XRCC2: variants seen among roughly 807,000 people sequenced by gnomAD.
The protein encoded by XRCC2 is DNA repair protein XRCC2.
In XRCC2, 24 loss-of-function variants were observed where a neutral mutation model predicts 27.3. The observed-to-expected ratio is 0.88, with a 90% CI of 0.64 to 1.24. XRCC2 has a LOEUF of 1.24. Ranked by LOEUF, XRCC2 falls within the 50% of genes most tolerant of loss-of-function variation. XRCC2 has a pLI of 0.00. For missense variants in XRCC2, 321 were observed against 325.8 expected, an observed-to-expected ratio of 0.99 and a Z score of 0.11; for synonymous variants, 106 against 115.4, an observed-to-expected ratio of 0.92 and a Z score of 0.52.
rs1385444197 is a variant in XRCC2 at position 152,654,794 on chromosome 7, G to T, written c.122-5431C>A. On this transcript the variant is annotated intron_variant, in intron 2 of 2. Coordinates refer to ENST00000359321, the MANE Select transcript of XRCC2 (RefSeq NM_005431.2). Reference sequence around the variant, plus strand: ...TCTTTTACACATTAATAGCAAAGCAGGTATAAAAAAGGCTTTTATAACAAC... The same window carrying T: ...TCTTTTACACATTAATAGCAAAGCATGTATAAAAAAGGCTTTTATAACAAC... 2.6e-5 allele frequency among the ~76,000 whole-genome samples: 4 copies of T among 152,114 alleles called. No individual in the cohort carries two copies. In the South Asian group the frequency reaches 8.3e-4, roughly 31 times the overall value.
rs1590129146 is a variant in XRCC2 at position 152,648,657 on chromosome 7, C to A, written c.828G>T (p.Gly276=). The change falls in exon 3 of 3, where the codon GGG becomes GGT. Residue 276 remains glycine (G), a synonymous_variant. Coordinates refer to ENST00000359321, the MANE Select transcript of XRCC2 (RefSeq NM_005431.2). The part of the protein sequence containing the change: ...KKHFFIIGES[G]VEFC The stretch of plus-strand genomic sequence containing the variant: ...ATGATGTATATCAACAAAATTCAAC[C>A]CCACTTTCTCCAATAATAAAAAAAT... 1 of 1,601,066 alleles carries A rather than the reference C, an allele frequency of 6.2e-7. No homozygotes were observed. Among genetic ancestry groups the A allele is most frequent in the South Asian group, 1.1e-5 (1 of 88,688 alleles).
In XRCC2 at chr7:152,660,703, T is replaced by C. The variant is rs777753452; in HGVS notation, c.119A>G (p.His40Arg). 3.9e-5 allele frequency: 62 copies of C among 1,609,044 alleles called. 1 individual carries two copies. The highest frequency in any genetic ancestry group is 3.7e-4 in the South Asian group (33 of 89,708). Reference sequence around the variant, plus strand: ...TATATAAAGGTTGTATTTTTTACCATGCACAGGTGAATCTTCATCAGCAAA... The same window carrying C: ...TATATAAAGGTTGTATTTTTTACCACGCACAGGTGAATCTTCATCAGCAAA... The part of the protein sequence containing the change: ...NLFADEDSPV[H>R]GDILEFHGPE... The change falls in exon 2 of 3, where the codon CAT becomes CGT. Residue 40 changes from histidine (H) to arginine (R), a missense_variant and splice_region_variant. Transcript: ENST00000359321.
In XRCC2 at chr7:152,648,739, C is replaced by G. The variant is rs781507499; in HGVS notation, c.746G>C (p.Ser249Thr). 2 of 1,614,128 alleles carry G rather than the reference C, an allele frequency of 1.2e-6. No individual in the cohort carries two copies. The highest frequency in any genetic ancestry group is 2.2e-5 in the South Asian group (2 of 91,062). ...MFFSKQDDSQSSNQFSLVSRC... is the reference protein window; with the variant it reads ...MFFSKQDDSQTSNQFSLVSRC... ...TGAAACTAATGAAAATTGGTTGCTG[C>G]TTTGAGAATCATCTTGTTTGGAGAA... The change falls in exon 3 of 3, where the codon AGC (serine) becomes ACC (threonine). Residue 249 changes from serine to threonine, a missense_variant. Physicochemically the swap from Ser to Thr is moderately conservative, Grantham distance 58. Coordinates refer to ENST00000359321, the MANE Select transcript of XRCC2 (RefSeq NM_005431.2).
chr7:152,663,134 C>T (rs1245567624), intron 1 of XRCC2, among the ~76,000 whole-genome samples: 2 of 151,968 alleles, frequency 1.3e-5, no homozygotes, highest in Admixed American at 6.6e-5. Context: ...TGAGGGCATA[C>T]CCATGGCCAA....
At chr7:152,662,110 A>G (rs1011095801) in intron 1 of XRCC2, among the ~76,000 whole-genome samples, 2 of 151,716 alleles carry the variant, frequency 1.3e-5, no homozygotes, top group African/African-American at 4.8e-5. Context: ...GATTACAGGC[A>G]CCCACCACCA....
chr7:152,649,404 C>G, intron 2 of XRCC2, 41 bp from the exon 3 acceptor site: 1 of 1,512,742 alleles, frequency 6.6e-7, no homozygotes, highest in Non-Finnish European at 8.8e-7. Flanking sequence ...TGCAGTAGCT[C>G]AAGGGTAGGT....
At chr7:152,657,368 C>T (rs372866290) in intron 2 of XRCC2, among the ~76,000 whole-genome samples, 2 of 151,946 alleles carry the variant, frequency 1.3e-5, no homozygotes, top group African/African-American at 2.4e-5. Context: ...GGTGCAATCT[C>T]GGCTCACTGC....
At chr7:152,671,013 G>A (rs1177476668) in intron 1 of XRCC2, among the ~76,000 whole-genome samples, 3 of 152,236 alleles carry the variant, frequency 2.0e-5, no homozygotes, top group South Asian at 2.1e-4. Context: ...TCAGGAGTTC[G>A]AGACCAGCCT....
chr7:152,674,754 TATATATTATATATAAATATATTTTTAA>T lies in XRCC2; in HGVS notation c.39+1260_39+1286del, dbSNP rs2098040060. Among the ~76,000 whole-genome samples the T allele has an allele frequency of 1.6e-3, 175 of 111,018 alleles. 3 individuals carry two copies. The highest frequency in any genetic ancestry group is 6.1e-3 in the African/African-American group (159 of 26,104). 72.8% of individuals were successfully genotyped at this position (111,018 alleles called of 152,430 possible). ...TATTATATATAAATATATTTTTAAA[TATATATTATATATAAATATATTTTTAA>T]ATATATATATATCTATGGTTTATAA... On this transcript the variant is annotated intron_variant, in intron 1 of 2. Coordinates refer to ENST00000359321, the MANE Select transcript of XRCC2 (RefSeq NM_005431.2).
chr7:152,654,498 A>G (rs1010469698), intron 2 of XRCC2, among the ~76,000 whole-genome samples: 1 of 152,360 alleles, frequency 6.6e-6, no homozygotes, highest in Non-Finnish European at 1.5e-5. Flanking sequence ...CAGAAAAGTC[A>G]TGACAATGAA....
intron 1 of XRCC2, among the ~76,000 whole-genome samples, chr7:152,671,242 G>A (rs985498260): frequency 6.6e-6 from 1 of 151,966 alleles, no homozygotes; most frequent in Non-Finnish European, 1.5e-5. Context: ...ATTAAAAAAT[G>A]GAAAAATTTA....
chr7:152,653,793 C>A lies in XRCC2; in HGVS notation c.122-4430G>T, dbSNP rs869312656. Among the ~76,000 whole-genome samples, 1 of 152,140 alleles carries A rather than the reference C, an allele frequency of 6.6e-6. No homozygotes were observed. The highest frequency in any genetic ancestry group is 1.5e-5 in the Non-Finnish European group (1 of 68,030). Reference sequence around the variant, plus strand: ...AGAAATTTTTAGTTCACATAATTCACATTGAGTATTCCAGCAAAAATTTAG... The same window carrying A: ...AGAAATTTTTAGTTCACATAATTCAAATTGAGTATTCCAGCAAAAATTTAG... On this transcript the variant is annotated intron_variant, in intron 2 of 2. Coordinates refer to ENST00000359321, the MANE Select transcript of XRCC2 (RefSeq NM_005431.2).
Position 152,645,105 on chromosome 7 carries a change from C to T in XRCC2, c.*3537G>A, listed in dbSNP as rs2098025182. 1 of 152,044 alleles carries T rather than the reference C, an allele frequency of 6.6e-6. No homozygotes were observed. The highest frequency in any genetic ancestry group is 1.5e-5 in the Non-Finnish European group (1 of 68,010). The allele number at this position is 152,044 out of a possible 1,614,324, so 9.4% of individuals were successfully genotyped here. On this transcript the variant is annotated 3_prime_UTR_variant, in exon 3 of 3. Transcript: ENST00000359321. The stretch of plus-strand genomic sequence containing the variant: ...TTAAATGAGCGCTGGCAGTGAGCTG[C>T]ACTTTTTTTTTCTAAATGGGAAAAG...
At chr7:152,666,057 TCA>T (rs1374935295) in intron 1 of XRCC2, among the ~76,000 whole-genome samples, 2 of 136,044 alleles carry the variant, frequency 1.5e-5, no homozygotes, top group East Asian at 2.1e-4. Context: ...ATCATTTTTC[TCA>T]GTTTTTTCTT....
intron 1 of XRCC2, among the ~76,000 whole-genome samples, chr7:152,675,674 G>T (rs1185695712): frequency 6.6e-6 from 1 of 152,226 alleles, no homozygotes; most frequent in Non-Finnish European, 1.5e-5. Context: ...AGCTTTTCTT[G>T]CATAGCTTGA....
At position 152,651,491 on chromosome 7, in the gene XRCC2, C is replaced by T. The variant is rs545561220; in HGVS notation, c.122-2128G>A. On this transcript the variant is annotated intron_variant, in intron 2 of 2. Coordinates refer to ENST00000359321, the MANE Select transcript of XRCC2 (RefSeq NM_005431.2). ...TCAGTAGTCCCAGCTAATTGGGAAG[C>T]TGAGGTTGGAGAATCAGTTGAACCC... Among the ~76,000 whole-genome samples the T allele has an allele frequency of 2.6e-5, 4 of 151,374 alleles. No individual in the cohort carries two copies. In the South Asian group the frequency reaches 8.4e-4, roughly 32 times the overall value.
chr7:152,675,319 C>T (rs1419222926), intron 1 of XRCC2, among the ~76,000 whole-genome samples: 1 of 152,108 alleles, frequency 6.6e-6, no homozygotes, highest in African/African-American at 2.4e-5. Flanking sequence ...TGATGCCCGC[C>T]CCTCTAATGG....
rs1170784483 is a variant in XRCC2 at position 152,672,185 on chromosome 7, G to C, written c.39+3856C>G. On this transcript the variant is annotated intron_variant, in intron 1 of 2. Coordinates refer to ENST00000359321, the MANE Select transcript of XRCC2 (RefSeq NM_005431.2). Reference sequence around the variant, plus strand: ...ATAGCTTAGAGGTGTTAAGAGGCAAGTAATTTGATGGCAATGATAATGGAA... The same window carrying C: ...ATAGCTTAGAGGTGTTAAGAGGCAACTAATTTGATGGCAATGATAATGGAA... Among the ~76,000 whole-genome samples, 6 of 152,182 alleles carry C rather than the reference G, an allele frequency of 3.9e-5. No homozygotes were observed. The East Asian group carries it at 9.6e-4, about 24-fold the overall frequency.
intron 2 of XRCC2, among the ~76,000 whole-genome samples, chr7:152,654,799 A>T (rs1443153969): frequency 6.6e-6 from 1 of 152,226 alleles, no homozygotes; most frequent in Non-Finnish European, 1.5e-5. Flanking sequence ...AAGCAGGTAT[A>T]AAAAAGGCTT....
Sources: allele counts gnomAD v4.1 joint callset (sites outside exome capture counted in the v4.1 genomes callset), GRCh38; gene constraint gnomAD v4.1.1; transcripts MANE v1.5; gene names NCBI Gene and HGNC (gene_info 2026-07-23, HGNC 2026-07-21).